The following MARCHF8 variants were observed in gnomAD, a reference collection of about 807,000 sequenced individuals.
MARCHF8 encodes E3 ubiquitin-protein ligase MARCHF8.
A neutral mutation model predicts 51.6 loss-of-function variants in MARCHF8; 40 were observed. The ratio of observed to expected loss-of-function variants is 0.77; its 90% CI spans 0.60 to 1.01. MARCHF8 has a LOEUF of 1.01. Ranked by LOEUF, MARCHF8 falls within the 50% of genes least tolerant of loss-of-function variation. The probability of loss-of-function intolerance (pLI) is 0.00; values close to 1 mark genes in which losing one functional copy is unlikely to be tolerated. For synonymous variants in MARCHF8, 263 were observed against 280.3 expected, an observed-to-expected ratio of 0.94 and a Z score of 0.62; for missense variants, 685 against 708.6, an observed-to-expected ratio of 0.97 and a Z score of 0.38.
At chr10:45,540,629 G>A (rs1212432540) in intron 1 of MARCHF8, among the ~76,000 whole-genome samples, 3 of 152,094 alleles carry the variant, frequency 2.0e-5, no homozygotes, top group Non-Finnish European at 4.4e-5. Flanking sequence ...AAGTGAACAG[G>A]CAACCTACAG....
At chr10:45,542,319 C>T (rs2044064997) in intron 1 of MARCHF8, among the ~76,000 whole-genome samples, 2 of 134,784 alleles carry the variant, frequency 1.5e-5, no homozygotes, top group African/African-American at 5.9e-5. Context: ...CGCACTCCAG[C>T]CTGGTGACAG....
intron 6 of MARCHF8, 34 bp from the exon 7 acceptor site, chr10:45,459,301 T>C (rs1432439595): frequency 6.2e-7 from 1 of 1,607,772 alleles, no homozygotes; most frequent in African/African-American, 1.3e-5. Flanking sequence ...AGGCTCAGGC[T>C]TCTGGGGAAG....
intron 2 of MARCHF8, among the ~76,000 whole-genome samples, chr10:45,493,157 G>A (rs1257625308): frequency 6.6e-6 from 1 of 152,178 alleles, no homozygotes; most frequent in Non-Finnish European, 1.5e-5. Flanking sequence ...GTGGAAGTGT[G>A]ACACCACTCT....
At chr10:45,488,363 T>C (rs1202214442) in intron 3 of MARCHF8, among the ~76,000 whole-genome samples, 1 of 152,074 alleles carries the variant, frequency 6.6e-6, no homozygotes, top group Non-Finnish European at 1.5e-5. Flanking sequence ...CTCTAATTCC[T>C]GCCAAGGCCA....
intron 1 of MARCHF8, among the ~76,000 whole-genome samples, chr10:45,568,979 G>C (rs1333054814): frequency 6.8e-6 from 1 of 147,002 alleles, no homozygotes; most frequent in African/African-American, 2.5e-5. Context: ...GCAGGAGAAT[G>C]GCATGAACCC....
chr10:45,463,502 T>C lies in MARCHF8; in HGVS notation c.737A>G (p.Lys246Arg). 6.4e-7 allele frequency: 1 copy of C among 1,550,654 alleles called. No homozygotes were observed. The highest frequency in any genetic ancestry group is 8.7e-7 in the Non-Finnish European group (1 of 1,147,016). ...GGRPGLLLEE[K>R]ADGEATSRSR... Reference sequence around the variant, plus strand: ...TCGGGACGTGGCCTCACCATCCGCCTTCTCTTCCAGCAGCAGGCCGGGCCT... The same window carrying C: ...TCGGGACGTGGCCTCACCATCCGCCCTCTCTTCCAGCAGCAGGCCGGGCCT... The change falls in exon 5 of 8, where the codon AAG becomes AGG. Residue 246 changes from lysine to arginine, a missense_variant. By Grantham distance (26) the Lys-to-Arg change is conservative. Transcript: ENST00000453424.
At chr10:45,518,884 C>A (rs929271621) in intron 2 of MARCHF8, among the ~76,000 whole-genome samples, 1 of 152,182 alleles carries the variant, frequency 6.6e-6, no homozygotes, top group Non-Finnish European at 1.5e-5. Context: ...AAGCATGTAT[C>A]ATACACTAAT....
chr10:45,577,435 G>C lies in MARCHF8; in HGVS notation c.-79+16800C>G, dbSNP rs183173863. Among the ~76,000 whole-genome samples the C allele has an allele frequency of 1.7e-3, 261 of 152,204 alleles. 1 individual carries two copies. Among genetic ancestry groups the C allele is most frequent in the African/African-American group, 4.7e-3 (194 of 41,528 alleles). ...ATGTATACCCTATTTGCCGCGATAT[G>C]ATTATTTCACATTGCATGCCTGTAT... On this transcript the variant is annotated intron_variant, in intron 1 of 6. Coordinates refer to the MARCHF8 transcript ENST00000319836.
chr10:45,466,301 T>C (rs1842966792), intron 3 of MARCHF8, among the ~76,000 whole-genome samples: 1 of 152,236 alleles, frequency 6.6e-6, no homozygotes, highest in Non-Finnish European at 1.5e-5. Context: ...CCTGTACTTA[T>C]TGCTCTCTTC....
intron 3 of MARCHF8, among the ~76,000 whole-genome samples, chr10:45,486,898 C>G (rs774070332): frequency 6.7e-6 from 1 of 150,172 alleles, no homozygotes; most frequent in Non-Finnish European, 1.5e-5. Flanking sequence ...CAACCTCCGC[C>G]TCCCAGGTTC....
intron 2 of MARCHF8, among the ~76,000 whole-genome samples, chr10:45,495,051 C>T (rs910341369): frequency 1.3e-5 from 2 of 151,196 alleles, no homozygotes; most frequent in African/African-American, 4.9e-5. Context: ...ACCTGAAAGG[C>T]AGAGGTTGCA....
intron 2 of MARCHF8, among the ~76,000 whole-genome samples, chr10:45,523,625 T>C (rs1261712521): frequency 6.6e-6 from 1 of 152,250 alleles, no homozygotes; most frequent in Non-Finnish European, 1.5e-5. Flanking sequence ...ATCTGCCACC[T>C]AGTTGTCCAA....
intron 2 of MARCHF8, among the ~76,000 whole-genome samples, chr10:45,507,548 T>C (rs1046700998): frequency 6.6e-6 from 1 of 152,136 alleles, no homozygotes; most frequent in Non-Finnish European, 1.5e-5. Context: ...CTCTTCTTAA[T>C]ATGATCTCAG....
intron 1 of MARCHF8, among the ~76,000 whole-genome samples, chr10:45,568,570 T>C (rs997672146): frequency 2.0e-5 from 3 of 151,504 alleles, no homozygotes; most frequent in Non-Finnish European, 4.4e-5. Context: ...AATACAAAAA[T>C]TAGCTGGGTG....
At chr10:45,488,942 G>A (rs1475261990) in intron 3 of MARCHF8, among the ~76,000 whole-genome samples, 2 of 152,130 alleles carry the variant, frequency 1.3e-5, no homozygotes, top group South Asian at 2.1e-4. Flanking sequence ...AGAATCGGGT[G>A]CACTACAATC....
intron 2 of MARCHF8, among the ~76,000 whole-genome samples, chr10:45,490,630 A>G (rs1334763388): frequency 6.6e-6 from 1 of 152,258 alleles, no homozygotes; most frequent in African/African-American, 2.4e-5. Context: ...CTTTAAAAAA[A>G]AAAAGTGAAC....
chr10:45,565,206 G>C (rs1218273236), intron 1 of MARCHF8, among the ~76,000 whole-genome samples: 2 of 152,062 alleles, frequency 1.3e-5, no homozygotes, highest in African/African-American at 4.8e-5. Flanking sequence ...CAAGGGGGGT[G>C]AATCACTTGA....
chr10:45,527,359 G>C (rs1349164431), intron 2 of MARCHF8, among the ~76,000 whole-genome samples: 1 of 151,952 alleles, frequency 6.6e-6, no homozygotes, highest in Non-Finnish European at 1.5e-5. Context: ...AAACAAAATT[G>C]ACAGCCTACT....
At chr10:45,591,683 G>C (rs2044682949) in intron 1 of MARCHF8, among the ~76,000 whole-genome samples, 1 of 152,074 alleles carries the variant, frequency 6.6e-6, no homozygotes, top group South Asian at 2.1e-4. Flanking sequence ...TTCTAATACA[G>C]AAAGACACCA....
Sources: allele counts gnomAD v4.1 joint callset (sites outside exome capture counted in the v4.1 genomes callset), GRCh38; gene constraint gnomAD v4.1.1; transcripts MANE v1.5; gene names NCBI Gene and HGNC (gene_info 2026-07-23, HGNC 2026-07-21).